The following ZDHHC11 variants were observed in gnomAD, a reference collection of about 807,000 sequenced individuals.
ZDHHC11 encodes the protein palmitoyltransferase ZDHHC11.
In ZDHHC11, 44 loss-of-function variants were observed where a neutral mutation model predicts 51.3. The observed-to-expected ratio is 0.86, with a 90% CI of 0.67 to 1.10. The LOEUF is 1.10. Ranked by LOEUF, ZDHHC11 falls within the 50% of genes least tolerant of loss-of-function variation. ZDHHC11 has a pLI of 0.00. For missense variants in ZDHHC11, 400 were observed against 537.7 expected (o/e 0.74, Z 2.53); for synonymous variants, 163 against 222.0 (o/e 0.73, Z 2.36).
chr5:850,497 A>T lies in ZDHHC11; in HGVS notation c.106T>A (p.Leu36Ile). ...PRISRVNGWSLPLHYFQVVTW... is the reference protein window; with the variant it reads ...PRISRVNGWSIPLHYFQVVTW... ...ACCACCTGGAAGTAGTGCAGGGGTA[A>T]CGACCAGCCGTTCACTCTGGAGATG... Residue 36 changes from leucine to isoleucine, a missense_variant, in exon 1 of 13, where the codon TTA becomes ATA. By Grantham distance (5) the Leu-to-Ile change is conservative. Transcript: ENST00000283441. 2 of 1,613,676 alleles carry T rather than the reference A, an allele frequency of 1.2e-6. 1 individual carries two copies. Among genetic ancestry groups the T allele is most frequent in the South Asian group, 2.2e-5 (2 of 91,084 alleles).
intron 6 of ZDHHC11, among the ~76,000 whole-genome samples, chr5:836,560 G>A (rs1304683236): frequency 2.7e-5 from 4 of 149,734 alleles, no homozygotes; most frequent in African/African-American, 9.9e-5. Flanking sequence ...CTGTGTGTAG[G>A]TTGTATTGTA....
At position 850,824 on chromosome 5, in the gene ZDHHC11, G is replaced by C; in HGVS notation, c.-222C>G. ...CAGGGGAATGAACAGACATGCTGCA[G>C]AATGTGACCCCGGCCAGAGCCGAGT... On this transcript the variant is annotated 5_prime_UTR_variant, in exon 1 of 13. Transcript: ENST00000283441. 1 of 627,294 alleles carries C rather than the reference G, an allele frequency of 1.6e-6. No individual in the cohort carries two copies. Among genetic ancestry groups the C allele is most frequent in the Non-Finnish European group, 2.7e-6 (1 of 364,830 alleles). The allele number at this position is 627,294 out of a possible 1,614,324, so 38.9% of individuals were successfully genotyped here.
intron 3 of ZDHHC11, among the ~76,000 whole-genome samples, chr5:844,791 A>G (rs1198148874): frequency 6.6e-6 from 1 of 152,300 alleles, no homozygotes; most frequent in Non-Finnish European, 1.5e-5. Context: ...AGCGATGTCC[A>G]TGCTGTAGAC....
chr5:810,929 C>T (rs1288357650), intron 11 of ZDHHC11, among the ~76,000 whole-genome samples: 1 of 151,766 alleles, frequency 6.6e-6, no homozygotes, highest in Non-Finnish European at 1.5e-5. Context: ...AAGCAGGTGC[C>T]TAAAGAGGTG....
At chr5:854,610 A>G (rs1325332276), upstream of ZDHHC11, among the ~76,000 whole-genome samples, 1 of 150,498 alleles carries the variant, frequency 6.6e-6, no homozygotes, top group Admixed American at 6.6e-5. Context: ...AGCGAGTGGC[A>G]CAGACCCCAC....
chr5:843,619 G>A lies in ZDHHC11; in HGVS notation c.609C>T (p.Arg203=), dbSNP rs374097345. The A allele has an allele frequency of 1.1e-4, 177 of 1,608,396 alleles. No homozygotes were observed. Among genetic ancestry groups the A allele is most frequent in the Non-Finnish European group, 1.4e-4 (165 of 1,176,700 alleles). Residue 203 remains arginine, a synonymous_variant, in exon 4 of 13, where the codon CGC becomes CGT. Coordinates refer to ENST00000283441, the MANE Select transcript of ZDHHC11 (RefSeq NM_024786.3). ...ACGTACCTTCATACCTGGGGTCCGT[G>A]CGGAGCACCCCGGGGTTCACGAGGT... ...VQYLVNPGVL[R]TDPRYEDVKN... is the part of the protein sequence containing the mutation.
At chr5:834,833 T>C (rs1384081507) in intron 6 of ZDHHC11, among the ~76,000 whole-genome samples, 71 of 151,644 alleles carry the variant, frequency 4.7e-4, no homozygotes, top group African/African-American at 1.5e-3. Context: ...TTAGACATAA[T>C]GCTGTTGCAC....
chr5:840,005 C>A, intron 5 of ZDHHC11: 1 of 571,940 alleles, frequency 1.7e-6, no homozygotes, highest in Non-Finnish European at 3.1e-6. Context: ...TGACTGACCG[C>A]CTACCGCTGT....
chr5:817,529 C>G (rs1740968574), intron 10 of ZDHHC11, among the ~76,000 whole-genome samples: 1 of 151,354 alleles, frequency 6.6e-6, no homozygotes, highest in Non-Finnish European at 1.5e-5. Context: ...TTGAAACAGA[C>G]CTTCTGCCTG....
At position 857,119 on chromosome 5, in the gene ZDHHC11, G is replaced by A. The variant is rs117274287; in HGVS notation, c.-1+1755C>T. ...CAATTCAAGTGAAAGGAGCATCTGT[G>A]AGTCATGACACTGAAGACTTGTAAT... On this transcript the variant is annotated intron_variant, in intron 1 of 3. Coordinates refer to the ZDHHC11 transcript ENST00000685990. Among the ~76,000 whole-genome samples the A allele has an allele frequency of 1.9e-4, 29 of 152,292 alleles. No homozygotes were observed. In the East Asian group the frequency reaches 3.9e-3, roughly 20 times the overall value.
At chr5:806,355 T>G (rs562669550) in intron 11 of ZDHHC11, among the ~76,000 whole-genome samples, 9 of 151,140 alleles carry the variant, frequency 6.0e-5, no homozygotes, top group Non-Finnish European at 1.5e-5. Flanking sequence ...GAGGGAAGAA[T>G]GAAGTTAGAT....
At chr5:829,675 G>C (rs1411302684) in intron 7 of ZDHHC11, among the ~76,000 whole-genome samples, 3 of 151,204 alleles carry the variant, frequency 2.0e-5, no homozygotes, top group Non-Finnish European at 4.4e-5. Flanking sequence ...AACCATGAAA[G>C]GACATAGCAA....
At chr5:842,201 G>A in intron 4 of ZDHHC11, 1 of 985,852 alleles carries the variant, frequency 1.0e-6, no homozygotes, top group Non-Finnish European at 1.2e-6. Flanking sequence ...GGCAGCACAT[G>A]CCATCTTGGC....
In ZDHHC11 at chr5:836,805, A is replaced by C. The variant is rs1353397548; in HGVS notation, c.900+560T>G. 1.3e-5 allele frequency among the ~76,000 whole-genome samples: 2 copies of C among 150,118 alleles called. 1 individual carries two copies. Among genetic ancestry groups the C allele is most frequent in the Admixed American group, 1.3e-4 (2 of 15,130 alleles). On this transcript the variant is annotated intron_variant, in intron 6 of 12. Transcript: ENST00000283441. ...GCCAGGTACAGTGACTCATGCTTGT[A>C]ATCCCAGCACTTTCGGAGGCCAAGG...
At position 814,752 on chromosome 5, in the gene ZDHHC11, C is replaced by T. The variant is rs746875577; in HGVS notation, c.1181+9G>A. The T allele has an allele frequency of 1.0e-5, 16 of 1,557,856 alleles. No homozygotes were observed. The highest frequency in any genetic ancestry group is 1.0e-4 in the Admixed American group (5 of 49,856). On this transcript the variant is annotated intron_variant, in intron 11 of 12. Coordinates refer to ENST00000283441, the MANE Select transcript of ZDHHC11 (RefSeq NM_024786.3). ...AGACAAAACGTTCCCGTTAAACTTA[C>T]GAACTTACCCAAGTGTAGATATACT...
rs70957306 is a variant in ZDHHC11, at chr5:802,825, C to CAAAAAAAAAAAAAAAAAAAAAAAAA, written c.1182-1686_1182-1662dup. Among the ~76,000 whole-genome samples the CAAAAAAAAAAAAAAAAAAAAAAAAA allele has an allele frequency of 1.0e-4, 2 of 19,116 alleles. 1 individual carries two copies. The highest frequency in any genetic ancestry group is 3.4e-4 in the Non-Finnish European group (2 of 5,928). The allele number at this position is 19,116 out of a possible 152,430, so 12.5% of individuals were successfully genotyped here. On this transcript the variant is annotated intron_variant, in intron 11 of 12. Transcript: ENST00000283441. ...TGTCTCTACTAAAAATACAAAAATA[C>CAAAAAAAAAAAAAAAAAAAAAAAAA]AAAAAAAAAAAAAAAAAAAAAAAAA...
upstream of ZDHHC11, among the ~76,000 whole-genome samples, chr5:851,929 G>A (rs1194322995): frequency 6.6e-6 from 1 of 152,248 alleles, no homozygotes; most frequent in Admixed American, 6.5e-5. Flanking sequence ...GGTGGCACAT[G>A]CCTCTAATCC....
chr5:841,046 G>C, intron 4 of ZDHHC11: 1 of 1,028,118 alleles, frequency 9.7e-7, no homozygotes, highest in Non-Finnish European at 1.2e-6. Flanking sequence ...CGGGGTCACA[G>C]TGCCCACCCC....
rs1272306045 is a variant in ZDHHC11 at position 796,526 on chromosome 5, G to A, written c.*62C>T. The A allele has an allele frequency of 8.7e-5, 13 of 148,602 alleles. No individual in the cohort carries two copies. Among genetic ancestry groups the A allele is most frequent in the Admixed American group, 6.8e-4 (10 of 14,794 alleles). 9.2% of individuals were successfully genotyped at this position (148,602 alleles called of 1,614,324 possible). A position where few individuals can be genotyped will look rare whatever the true frequency, so the allele number is the denominator to read the frequency against. ...AGGTAGACTCTACAGGCAGGACCTT[G>A]ATGGAGGGTGGGGTTTCAGGGTAGA... On this transcript the variant is annotated 3_prime_UTR_variant, in exon 13 of 13. Transcript: ENST00000283441.
Sources: allele counts gnomAD v4.1 joint callset (sites outside exome capture counted in the v4.1 genomes callset), GRCh38; gene constraint gnomAD v4.1.1; transcripts MANE v1.5; gene names NCBI Gene and HGNC (gene_info 2026-07-23, HGNC 2026-07-21).